The following CSMD1 variants were observed in gnomAD, a reference collection of about 807,000 sequenced individuals.
CSMD1 encodes the protein CUB and Sushi multiple domains 1.
CSMD1 carries 213 observed loss-of-function variants against 417.5 expected under a neutral mutation model. That is an observed-to-expected ratio of 0.51 (90% CI 0.46 to 0.57). The LOEUF (loss-of-function observed/expected upper bound fraction) is 0.57. Among genes scored for constraint, CSMD1 ranks in the 20% least tolerant of loss-of-function variants. CSMD1 has a pLI of 0.00. For synonymous variants in CSMD1, 2,862 were observed against 1,736.8 expected (o/e 1.65, Z -16.11); for missense variants, 6,923 against 4,529.7 (o/e 1.53, Z -15.17).
Position 3,926,406 on chromosome 8 carries a change from G to C in CSMD1, c.818+71497C>G, listed in dbSNP as rs559696477. Among the ~76,000 whole-genome samples the C allele has an allele frequency of 5.3e-5, 8 of 152,016 alleles. No individual in the cohort carries two copies. The East Asian group carries it at 1.5e-3, about 29-fold the overall frequency. On this transcript the variant is annotated intron_variant, in intron 5 of 69. Transcript: ENST00000635120. ...GGCAGTAAGATTTTTTCTGTCTTTT[G>C]TTGAGATATTACCAGTAGCTAATAT...
intron 1 of CSMD1, among the ~76,000 whole-genome samples, chr8:4,990,556 G>C (rs1222161789): frequency 6.6e-6 from 1 of 151,988 alleles, no homozygotes; most frequent in African/African-American, 2.4e-5. Context: ...GTAGAGATGG[G>C]GTTTCACTAT....
At chr8:3,850,944 T>C (rs1803863304) in intron 5 of CSMD1, among the ~76,000 whole-genome samples, 1 of 152,192 alleles carries the variant, frequency 6.6e-6, no homozygotes, top group African/African-American at 2.4e-5. Context: ...ATTACTTCTT[T>C]TAACTTGTTG....
At chr8:3,953,045 A>C (rs1279532281) in intron 5 of CSMD1, among the ~76,000 whole-genome samples, 1 of 152,136 alleles carries the variant, frequency 6.6e-6, no homozygotes, top group Non-Finnish European at 1.5e-5. Context: ...ACAAAATTAT[A>C]ATCAATGAAA....
intron 5 of CSMD1, among the ~76,000 whole-genome samples, chr8:3,860,535 G>A (rs1377376249): frequency 1.3e-5 from 2 of 151,984 alleles, no homozygotes; most frequent in East Asian, 1.9e-4. Context: ...TTACTCTGGT[G>A]GCCTGGATTT....
At chr8:4,970,823 T>C (rs1002303317) in intron 1 of CSMD1, among the ~76,000 whole-genome samples, 5 of 152,092 alleles carry the variant, frequency 3.3e-5, no homozygotes, top group Admixed American at 6.6e-5. Flanking sequence ...ACCCTAGCTC[T>C]AGTCATCAAA....
intron 10 of CSMD1, among the ~76,000 whole-genome samples, chr8:3,550,277 G>T (rs9314499): frequency 0.36 from 55,161 of 151,732 alleles, 10,780 homozygotes; most frequent in Non-Finnish European, 0.43. Flanking sequence ...CACTATGGCT[G>T]CCCTCTCCTG....
At chr8:4,898,785 A>C (rs1480952502) in intron 1 of CSMD1, among the ~76,000 whole-genome samples, 1 of 152,206 alleles carries the variant, frequency 6.6e-6, no homozygotes, top group Admixed American at 6.5e-5. Context: ...AAGTGAAATG[A>C]AAACTGCATA....
At chr8:4,432,929 T>A (rs1563167439) in intron 2 of CSMD1, among the ~76,000 whole-genome samples, 1 of 152,202 alleles carries the variant, frequency 6.6e-6, no homozygotes, top group Non-Finnish European at 1.5e-5. Flanking sequence ...TGTGTTGTTT[T>A]CACAGCTGCT....
At chr8:3,530,866 T>A (rs1485054736) in intron 10 of CSMD1, among the ~76,000 whole-genome samples, 1 of 147,852 alleles carries the variant, frequency 6.8e-6, no homozygotes, top group Non-Finnish European at 1.5e-5. Flanking sequence ...TTTTTCCTAT[T>A]TTTTTTTTTA....
rs1585300568 is a variant in CSMD1, at chr8:3,081,471, T to A, written c.7474+5626A>T. Reference sequence around the variant, plus strand: ...CTATTTTTTAAAATTATTTTTCTTTTTTTACAGTTTTCAAATAAAAATTTT... The same window carrying A: ...CTATTTTTTAAAATTATTTTTCTTTATTTACAGTTTTCAAATAAAAATTTT... On this transcript the variant is annotated intron_variant, in intron 49 of 69. Transcript: ENST00000635120. Among the ~76,000 whole-genome samples the A allele has an allele frequency of 2.6e-5, 4 of 152,318 alleles. No homozygotes were observed. In the South Asian group the frequency reaches 8.3e-4, roughly 32 times the overall value.
Position 4,449,277 on chromosome 8 carries a change from T to G in CSMD1, c.303-29212A>C, listed in dbSNP as rs190517540. Among the ~76,000 whole-genome samples the G allele has an allele frequency of 1.1e-3, 175 of 152,292 alleles. 2 individuals carry two copies. In the South Asian group the frequency reaches 0.013, roughly 11 times the overall value. On this transcript the variant is annotated intron_variant, in intron 2 of 69. Transcript: ENST00000635120. Reference sequence around the variant, plus strand: ...CAGGTTGTAACTATTGAAAGGAAACTCAGAAATGTTTTACCAGGAGCAGAT... The same window carrying G: ...CAGGTTGTAACTATTGAAAGGAAACGCAGAAATGTTTTACCAGGAGCAGAT...
chr8:3,430,950 G>T (rs1330911478), intron 12 of CSMD1, among the ~76,000 whole-genome samples: 4 of 152,148 alleles, frequency 2.6e-5, no homozygotes, highest in Non-Finnish European at 5.9e-5. Context: ...TAGTAAACTG[G>T]AGGGTTCAGT....
intron 26 of CSMD1, among the ~76,000 whole-genome samples, chr8:3,256,822 G>C (rs1800691009): frequency 6.6e-6 from 1 of 152,132 alleles, no homozygotes; most frequent in African/African-American, 2.4e-5. Flanking sequence ...CTGAGTCACA[G>C]GATTCTTATT....
At chr8:3,200,734 T>G (rs1796949614) in intron 32 of CSMD1, among the ~76,000 whole-genome samples, 1 of 152,258 alleles carries the variant, frequency 6.6e-6, no homozygotes, top group African/African-American at 2.4e-5. Context: ...CTCTGATGCA[T>G]TCTTAGATAC....
intron 5 of CSMD1, among the ~76,000 whole-genome samples, chr8:3,926,053 T>TACACACACACACACACACACACCATAC (rs35557551): frequency 1.6e-4 from 14 of 87,872 alleles, no homozygotes; most frequent in East Asian, 6.1e-4. Flanking sequence ...AAACACCATA[T>TACACACACACACACACACACACCATAC]ACACACACAC....
chr8:2,939,431 G>C (rs1160260316), intron 69 of CSMD1, among the ~76,000 whole-genome samples: 1 of 152,140 alleles, frequency 6.6e-6, no homozygotes, highest in African/African-American at 2.4e-5. Context: ...TTAAACTGTT[G>C]TCACATTTTC....
intron 2 of CSMD1, among the ~76,000 whole-genome samples, chr8:4,619,508 T>G (rs1255733843): frequency 6.6e-6 from 1 of 152,166 alleles, no homozygotes; most frequent in Non-Finnish European, 1.5e-5. Context: ...CTGCAAAATG[T>G]CACTAACTCT....
At chr8:4,464,975 G>C (rs1056755996) in intron 2 of CSMD1, among the ~76,000 whole-genome samples, 1 of 152,100 alleles carries the variant, frequency 6.6e-6, no homozygotes, top group East Asian at 1.9e-4. Flanking sequence ...GATGCCACCA[G>C]AATGACTTCT....
At chr8:3,473,969 C>G (rs899076418) in intron 11 of CSMD1, among the ~76,000 whole-genome samples, 4 of 152,148 alleles carry the variant, frequency 2.6e-5, no homozygotes, top group Admixed American at 1.3e-4. Flanking sequence ...AACATAAAAC[C>G]ATCAGATCTA....
Sources: allele counts gnomAD v4.1 joint callset (sites outside exome capture counted in the v4.1 genomes callset), GRCh38; gene constraint gnomAD v4.1.1; transcripts MANE v1.5; gene names NCBI Gene and HGNC (gene_info 2026-07-23, HGNC 2026-07-21).